Variants in UBE2J1 observed in about 807,000 individuals in gnomAD.
UBE2J1 encodes the protein ubiquitin conjugating enzyme E2 J1, also known as ubiquitin-conjugating enzyme E2 J1.
Under a neutral mutation model 42.1 loss-of-function variants are expected in UBE2J1, and 17 were observed. The observed-to-expected ratio is 0.40, with a 90% CI of 0.28 to 0.61. UBE2J1 has a LOEUF of 0.61. Among genes scored for constraint, UBE2J1 ranks in the 20% least tolerant of loss-of-function variants. The probability of loss-of-function intolerance (pLI) is 0.38; values close to 1 mark genes in which losing one functional copy is unlikely to be tolerated. For missense variants in UBE2J1, 291 were observed against 389.4 expected, an observed-to-expected ratio of 0.75 and a Z score of 2.13; for synonymous variants, 127 against 137.2, an observed-to-expected ratio of 0.93 and a Z score of 0.52.
chr6:89,352,468 C>T, intron 1 of UBE2J1, 71 bp downstream of exon 1: 3 of 1,479,264 alleles, frequency 2.0e-6, no homozygotes, highest in Non-Finnish European at 2.7e-6. Flanking sequence ...CGCGAGGGGA[C>T]CGAGGCGGCG....
In UBE2J1 at chr6:89,335,320, A is replaced by G; in HGVS notation, c.540T>C (p.Ala180=). 1 of 1,604,500 alleles carries G rather than the reference A, an allele frequency of 6.2e-7. No individual in the cohort carries two copies. Among genetic ancestry groups the G allele is most frequent in the Non-Finnish European group, 8.5e-7 (1 of 1,174,458 alleles). The change falls in exon 6 of 8, where the codon GCT becomes GCC. Residue 180 remains alanine (A), a synonymous_variant. Transcript: ENST00000435041. ...SQADQEAKEL[A]RQISFKAEVN... ...ATAGTACCTTAAAGCTTATTTGCCT[A>G]GCCAGTTCTTTGGCTTCTTGGTCAG...
chr6:89,352,625 C>T lies in UBE2J1; in HGVS notation c.-56G>A, dbSNP rs887755605. On this transcript the variant is annotated 5_prime_UTR_variant, in exon 1 of 8. Transcript: ENST00000435041. ...GGGCCGCTGCCACCTCCTCTCCACG[C>T]GGCCGCTGCCCGGGTCTCAGCGCGG... 13 of 1,510,664 alleles carry T rather than the reference C, an allele frequency of 8.6e-6. No homozygotes were observed. In the Admixed American group the frequency reaches 1.2e-4, roughly 14 times the overall value. 93.6% of individuals were successfully genotyped at this position (1,510,664 alleles called of 1,614,324 possible).
rs138380064 is a variant in UBE2J1, at chr6:89,338,539, T to C, written c.242A>G (p.Asn81Ser). The change falls in exon 4 of 8, where the codon AAT (asparagine) becomes AGT (serine). Residue 81 changes from asparagine to serine, a missense_variant. Around this residue, in one of 2 missense-constraint regions of UBE2J1, gnomAD observed 115 missense variants for 193.1 expected, o/e 0.60. Transcript: ENST00000435041. ...TTTCTTGCCCACTTCAAATCGACCA[T>C]TAGCCTGAGGAATAAACAATGCATT... is the stretch of plus-strand genomic sequence containing the variant. ...KPPSIILLTA[N>S]GRFEVGKKIC... 1.3e-6 allele frequency: 2 copies of C among 1,574,176 alleles called. No individual in the cohort carries two copies. Among genetic ancestry groups the C allele is most frequent in the African/African-American group, 1.4e-5 (1 of 72,648 alleles).
intron 1 of UBE2J1, among the ~76,000 whole-genome samples, chr6:89,348,731 T>C (rs1348595355): frequency 6.6e-6 from 1 of 152,226 alleles, no homozygotes; most frequent in Non-Finnish European, 1.5e-5. Flanking sequence ...CAAGTGGTAA[T>C]ATTGACCAAG....
chr6:89,334,437 C>T (rs148015255), intron 6 of UBE2J1, among the ~76,000 whole-genome samples: 19 of 150,818 alleles, frequency 1.3e-4, no homozygotes, highest in African/African-American at 3.4e-4. Flanking sequence ...TATTTCTTGG[C>T]GGTGAGATTA....
At chr6:89,337,866 A>G (rs1768139992) in intron 5 of UBE2J1, among the ~76,000 whole-genome samples, 1 of 152,232 alleles carries the variant, frequency 6.6e-6, no homozygotes. Flanking sequence ...GAAAGCTACA[A>G]ATAATTGCTC....
chr6:89,330,700 G>A (rs553146219), intron 7 of UBE2J1, among the ~76,000 whole-genome samples: 8 of 152,080 alleles, frequency 5.3e-5, no homozygotes, highest in African/African-American at 1.9e-4. Flanking sequence ...GGAGGTTAAG[G>A]CAAGAGGATC....
chr6:89,348,458 A>T lies in UBE2J1; in HGVS notation c.31+4081T>A, dbSNP rs899971227. ...CTTCAAAAGCAATTATCTTGATATT[A>T]TCAATTCCCAAAGCATGAGTGAAAT... On this transcript the variant is annotated intron_variant, in intron 1 of 7. Coordinates refer to ENST00000435041, the MANE Select transcript of UBE2J1 (RefSeq NM_016021.3). Among the ~76,000 whole-genome samples, 69 of 152,354 alleles carry T rather than the reference A, an allele frequency of 4.5e-4. 1 individual carries two copies. Among genetic ancestry groups the T allele is most frequent in the African/African-American group, 1.6e-3 (67 of 41,580 alleles).
At position 89,329,610 on chromosome 6, in the gene UBE2J1, T is replaced by C; in HGVS notation, c.*69A>G. 1.5e-5 allele frequency: 23 copies of C among 1,500,726 alleles called. No homozygotes were observed. In the South Asian group the frequency reaches 2.7e-4, roughly 18 times the overall value. The allele number at this position is 1,500,726 out of a possible 1,614,324, so 93.0% of individuals were successfully genotyped here. On this transcript the variant is annotated 3_prime_UTR_variant, in exon 8 of 8. Coordinates refer to ENST00000435041, the MANE Select transcript of UBE2J1 (RefSeq NM_016021.3). ...AAAATAATCTTTTTGTAAACAATTC[T>C]TAGATTATACCCAATGCAGAATGTT...
rs139661943 is a variant in UBE2J1 at position 89,349,739 on chromosome 6, T to C, written c.31+2800A>G. Among the ~76,000 whole-genome samples, 780 of 152,236 alleles carry C rather than the reference T, an allele frequency of 5.1e-3. 5 individuals are homozygous for C. Among genetic ancestry groups the C allele is most frequent in the African/African-American group, 0.017 (724 of 41,532 alleles). On this transcript the variant is annotated intron_variant, in intron 1 of 7. Transcript: ENST00000435041. ...GGACATGAAACCTTGAGTGGATTAG[T>C]GGGAAGGTGCAGTTGACACCAATGG...
chr6:89,339,482 AGGAGAGGGGATGGGGG>A (rs1768190857), intron 3 of UBE2J1, among the ~76,000 whole-genome samples: 1 of 1,578 alleles, frequency 6.3e-4, no homozygotes, highest in Non-Finnish European at 1.4e-3. Context: ...GGGAGGGGGG[AGGAGAGGGGATGGGGG>A]AGGAGAGAGG....
chr6:89,352,681 TCGGCAAATGCCGCCC>T lies in UBE2J1; in HGVS notation c.-127_-113del. The T allele has an allele frequency of 8.0e-7, 1 of 1,247,422 alleles. No homozygotes were observed. Among genetic ancestry groups the T allele is most frequent in the South Asian group, 1.6e-5 (1 of 62,526 alleles). 77.3% of individuals were successfully genotyped at this position (1,247,422 alleles called of 1,614,324 possible). A position where few individuals can be genotyped will look rare whatever the true frequency, so the allele number is the denominator to read the frequency against. ...GCGGACGGGGCCTGGCCGAGGAGCC[TCGGCAAATGCCGCCC>T]AGTCCAGCCTGGACTGCGGGCGGGG... On this transcript the variant is annotated 5_prime_UTR_variant, in exon 1 of 8. Transcript: ENST00000435041.
chr6:89,345,556 C>T (rs1285559847), intron 1 of UBE2J1, among the ~76,000 whole-genome samples: 1 of 151,158 alleles, frequency 6.6e-6, no homozygotes, highest in African/African-American at 2.4e-5. Flanking sequence ...GAGCTGAGGT[C>T]GTGCCATTGC....
intron 3 of UBE2J1, among the ~76,000 whole-genome samples, chr6:89,341,716 C>T (rs1002833027): frequency 2.0e-5 from 3 of 150,116 alleles, no homozygotes; most frequent in African/African-American, 7.4e-5. Context: ...AGAGAAAGAC[C>T]GTGTCTCTTA....
rs1768512514 is a variant in UBE2J1 at position 89,352,715 on chromosome 6, G to C, written c.-146C>G. ...GCCGCCCAGTCCAGCCTGGACTGCG[G>C]GCGGGGTGGCAAGGCTGAGTGCGGG... On this transcript the variant is annotated 5_prime_UTR_variant, in exon 1 of 8. Transcript: ENST00000435041. 9 of 881,540 alleles carry C rather than the reference G, an allele frequency of 1.0e-5. No individual in the cohort carries two copies. 54.6% of individuals were successfully genotyped at this position (881,540 alleles called of 1,614,324 possible).
chr6:89,340,657 G>A (rs1392966805), intron 3 of UBE2J1, among the ~76,000 whole-genome samples: 1 of 152,198 alleles, frequency 6.6e-6, no homozygotes, highest in African/African-American at 2.4e-5. Context: ...AATGGAAAGA[G>A]CACCAGTCAG....
At chr6:89,333,695 T>C (rs912903997) in intron 6 of UBE2J1, among the ~76,000 whole-genome samples, 2 of 152,252 alleles carry the variant, frequency 1.3e-5, no homozygotes, top group Non-Finnish European at 2.9e-5. Context: ...TAAGATCTTT[T>C]CTTAAGTCTG....
At chr6:89,347,575 T>C (rs1402948173) in intron 1 of UBE2J1, among the ~76,000 whole-genome samples, 1 of 152,220 alleles carries the variant, frequency 6.6e-6, no homozygotes, top group East Asian at 1.9e-4. Context: ...GGAACAATCA[T>C]TGGTTCAACA....
chr6:89,348,850 G>T (rs1768411718), intron 1 of UBE2J1, among the ~76,000 whole-genome samples: 1 of 152,214 alleles, frequency 6.6e-6, no homozygotes, highest in Non-Finnish European at 1.5e-5. Flanking sequence ...GGATTTAAAG[G>T]AAGGCATTCT....
Sources: gnomAD v4.1 joint callset for allele counts (sites outside exome capture counted in the v4.1 genomes callset) on GRCh38, gnomAD v4.1.1 for gene constraint, gnomAD v4.1.1 regional missense constraint, MANE v1.5 for transcripts, NCBI Gene and HGNC (gene_info 2026-07-23, HGNC 2026-07-21) for gene names.